The following SORCS3 variants were observed in gnomAD, a reference collection of about 807,000 sequenced individuals.
SORCS3 encodes the protein sortilin related VPS10 domain containing receptor 3.
In SORCS3, 57 loss-of-function variants were observed where a neutral mutation model predicts 146.3. That is an observed-to-expected ratio of 0.39 (90% CI 0.31 to 0.49). The LOEUF (loss-of-function observed/expected upper bound fraction) is 0.49, where lower values mean the gene tolerates loss of function less well. Ranked by LOEUF, SORCS3 falls within the 20% of genes least tolerant of loss-of-function variation. The pLI, the probability that SORCS3 is intolerant of heterozygous loss-of-function variation, is 0.92. For synonymous variants in SORCS3, 653 were observed against 618.5 expected, an observed-to-expected ratio of 1.06 and a Z score of -0.83; for missense variants, 1,341 against 1,575.5, an observed-to-expected ratio of 0.85 and a Z score of 2.52.
chr10:105,249,072 G>T (rs564167864), intron 22 of SORCS3, among the ~76,000 whole-genome samples: 23 of 152,212 alleles, frequency 1.5e-4, no homozygotes, highest in African/African-American at 4.1e-4. Flanking sequence ...AGAGGCAAAG[G>T]CTACTTAAAA....
Position 105,128,496 on chromosome 10 carries a change from C to T in SORCS3, c.1213-10901C>T, listed in dbSNP as rs183927458. 1.7e-4 allele frequency among the ~76,000 whole-genome samples: 26 copies of T among 152,204 alleles called. No homozygotes were observed. The East Asian group carries it at 4.5e-3, about 26-fold the overall frequency. ...CTAGAAAATGAATGATTTTGTTTGC[C>T]TTGCCCTTTCAGGATATTTAATGTA... On this transcript the variant is annotated intron_variant, in intron 7 of 26. Transcript: ENST00000369701.
intron 1 of SORCS3, among the ~76,000 whole-genome samples, chr10:104,796,115 A>G (rs1368754533): frequency 6.6e-6 from 1 of 152,254 alleles, no homozygotes; most frequent in Non-Finnish European, 1.5e-5. Flanking sequence ...GAGGGATTGC[A>G]TGAGTTGTCT....
intron 6 of SORCS3, among the ~76,000 whole-genome samples, chr10:105,092,636 C>CAG (rs1437690914): frequency 2.6e-5 from 4 of 151,914 alleles, no homozygotes; most frequent in Non-Finnish European, 5.9e-5. Flanking sequence ...CACACACACA[C>CAG]ACATCTCTAC....
intron 3 of SORCS3, among the ~76,000 whole-genome samples, chr10:104,953,592 A>G (rs2019456601): frequency 6.6e-6 from 1 of 152,190 alleles, no homozygotes. Flanking sequence ...TAACAATTAT[A>G]CCATTGGTAC....
At chr10:105,058,945 C>T (rs979467079) in intron 5 of SORCS3, among the ~76,000 whole-genome samples, 9 of 152,092 alleles carry the variant, frequency 5.9e-5, no homozygotes, top group Admixed American at 5.2e-4. Flanking sequence ...AAATTATGTA[C>T]CCCACAACTT....
At chr10:104,935,773 A>G (rs1468472384) in intron 3 of SORCS3, among the ~76,000 whole-genome samples, 1 of 152,168 alleles carries the variant, frequency 6.6e-6, no homozygotes, top group Non-Finnish European at 1.5e-5. Flanking sequence ...TTCTGGGCAG[A>G]GGAAATAGCA....
intron 2 of SORCS3, among the ~76,000 whole-genome samples, chr10:104,855,889 C>T (rs1335281177): frequency 6.6e-6 from 1 of 152,116 alleles, no homozygotes; most frequent in Non-Finnish European, 1.5e-5. Context: ...GCATGTGCCA[C>T]CATACCTGGC....
intron 5 of SORCS3, among the ~76,000 whole-genome samples, chr10:105,055,111 A>C (rs2055437749): frequency 6.6e-6 from 1 of 152,062 alleles, no homozygotes; most frequent in South Asian, 2.1e-4. Context: ...TGAGTTCCTT[A>C]GTAAAGTTTT....
At chr10:105,234,988 A>T (rs908141101) in intron 20 of SORCS3, among the ~76,000 whole-genome samples, 3 of 152,010 alleles carry the variant, frequency 2.0e-5, no homozygotes, top group African/African-American at 4.8e-5. Flanking sequence ...TAGTAATGTG[A>T]TGGTAAGCTA....
At chr10:104,879,617 T>G (rs565445997) in intron 2 of SORCS3, among the ~76,000 whole-genome samples, 1 of 152,162 alleles carries the variant, frequency 6.6e-6, no homozygotes, top group Non-Finnish European at 1.5e-5. Context: ...AAAAAGATGG[T>G]GGGGCTAGTC....
intron 10 of SORCS3, among the ~76,000 whole-genome samples, chr10:105,158,052 T>C (rs1231595703): frequency 6.6e-6 from 1 of 152,228 alleles, no homozygotes; most frequent in Admixed American, 6.5e-5. Flanking sequence ...AATAGCGCTC[T>C]TTCCCTTTGT....
At chr10:104,793,097 C>T (rs542266790) in intron 1 of SORCS3, among the ~76,000 whole-genome samples, 1 of 152,216 alleles carries the variant, frequency 6.6e-6, no homozygotes, top group East Asian at 1.9e-4. Context: ...ATTCTTGTCA[C>T]TTTAAAATTG....
intron 1 of SORCS3, among the ~76,000 whole-genome samples, chr10:104,751,061 G>T (rs1397639482): frequency 1.3e-5 from 2 of 152,104 alleles, no homozygotes; most frequent in Non-Finnish European, 2.9e-5. Context: ...GAAGCACACA[G>T]CAAGAAAGAG....
At chr10:105,075,152 A>T (rs1038715127) in intron 5 of SORCS3, among the ~76,000 whole-genome samples, 6 of 152,152 alleles carry the variant, frequency 3.9e-5, no homozygotes, top group African/African-American at 1.4e-4. Flanking sequence ...ATAATCTTGC[A>T]TCTAATTACA....
intron 1 of SORCS3, among the ~76,000 whole-genome samples, chr10:104,677,867 G>A (rs556144137): frequency 1.3e-5 from 2 of 152,348 alleles, no homozygotes; most frequent in African/African-American, 4.8e-5. Context: ...AAGAGAGAGA[G>A]AGAGAGACTG....
At position 104,729,252 on chromosome 10, in the gene SORCS3, A is replaced by T. The variant is rs141673122; in HGVS notation, c.627+87298A>T. ...TTTCTGTTTTATGGTACACGTGTAT[A>T]TCCTACTTTCAGCAAGACATTTGAA... On this transcript the variant is annotated intron_variant, in intron 1 of 26. Coordinates refer to ENST00000369701, the MANE Select transcript of SORCS3 (RefSeq NM_014978.3). 2.7e-3 allele frequency among the ~76,000 whole-genome samples: 416 copies of T among 152,334 alleles called. 1 individual carries two copies. The highest frequency in any genetic ancestry group is 6.8e-3 in the Middle Eastern group (2 of 294).
At chr10:104,917,323 TA>T (rs1027909802) in intron 3 of SORCS3, among the ~76,000 whole-genome samples, 1 of 152,212 alleles carries the variant, frequency 6.6e-6, no homozygotes, top group Non-Finnish European at 1.5e-5. Context: ...AGATTTCACC[TA>T]GACAAGTGGT....
chr10:104,918,352 C>T (rs768257499), intron 3 of SORCS3, among the ~76,000 whole-genome samples: 2 of 152,156 alleles, frequency 1.3e-5, no homozygotes, highest in Non-Finnish European at 2.9e-5. Context: ...AAAAAGGAGC[C>T]AGGATTAGAA....
chr10:105,119,716 C>A (rs2055918176), intron 7 of SORCS3, among the ~76,000 whole-genome samples: 1 of 152,136 alleles, frequency 6.6e-6, no homozygotes, highest in Non-Finnish European at 1.5e-5. Flanking sequence ...GGATTTCGGA[C>A]TTGCATGGGG....
Sources: allele counts gnomAD v4.1 joint callset (sites outside exome capture counted in the v4.1 genomes callset), GRCh38; gene constraint gnomAD v4.1.1; transcripts MANE v1.5; gene names NCBI Gene and HGNC (gene_info 2026-07-23, HGNC 2026-07-21).